PHF24: variants seen among roughly 807,000 people sequenced by gnomAD.
PHF24 encodes the protein Galpha inhibitory interacting protein.
Under a neutral mutation model 42.6 loss-of-function variants are expected in PHF24, and 25 were observed. The observed-to-expected ratio is 0.59, with a 90% CI of 0.43 to 0.82. The LOEUF (loss-of-function observed/expected upper bound fraction) is 0.82, where lower values mean the gene tolerates loss of function less well. Among genes scored for constraint, PHF24 ranks in the 40% least tolerant of loss-of-function variants. The pLI is 0.00. For synonymous variants in PHF24, 185 were observed against 204.8 expected (o/e 0.90, Z 0.83); for missense variants, 470 against 538.1 (o/e 0.87, Z 1.25).
At chr9:34,917,149 G>A in the PHF24 span, 27 of 1,132,638 alleles carry the variant, frequency 2.4e-5, no homozygotes, top group East Asian at 5.2e-4. Flanking sequence ...CGGCCCGTCT[G>A]CTCGGCACCC....
chr9:34,825,946 T>C, the PHF24 span, among the ~76,000 whole-genome samples: 1 of 152,072 alleles, frequency 6.6e-6, no homozygotes, highest in Non-Finnish European at 1.5e-5. Flanking sequence ...CCCTGTGGCC[T>C]TTGTAGTAGG....
the PHF24 span, among the ~76,000 whole-genome samples, chr9:34,838,964 T>C: frequency 6.6e-6 from 1 of 152,142 alleles, no homozygotes; most frequent in Non-Finnish European, 1.5e-5. Flanking sequence ...CAGAGTCTGG[T>C]TATGGCTTGG....
the PHF24 span, among the ~76,000 whole-genome samples, chr9:34,882,369 C>T: frequency 6.6e-6 from 1 of 152,098 alleles, no homozygotes; most frequent in Non-Finnish European, 1.5e-5. Flanking sequence ...CCAGGGCAAT[C>T]AGGCAGGAGA....
chr9:34,845,417 G>T, the PHF24 span, among the ~76,000 whole-genome samples: 2 of 151,650 alleles, frequency 1.3e-5, no homozygotes, highest in African/African-American at 4.8e-5. Flanking sequence ...TCCCTCTCTT[G>T]TTGTCGTCTG....
the PHF24 span, chr9:34,922,713 T>G: frequency 6.5e-7 from 1 of 1,548,508 alleles, no homozygotes; most frequent in East Asian, 2.2e-5. Context: ...CTCAGCACCT[T>G]CTGTCTTTTG....
At chr9:34,936,488 C>T in the PHF24 span, among the ~76,000 whole-genome samples, 1 of 151,680 alleles carries the variant, frequency 6.6e-6, no homozygotes, top group Non-Finnish European at 1.5e-5. Context: ...GCCCGGCCGC[C>T]ACCCCGTCTG....
the PHF24 span, among the ~76,000 whole-genome samples, chr9:34,804,381 T>C: frequency 7.9e-5 from 12 of 152,184 alleles, no homozygotes; most frequent in African/African-American, 2.4e-4. Flanking sequence ...TGCTATGTCA[T>C]TGGGGATATA....
At chr9:34,875,559 G>A in the PHF24 span, among the ~76,000 whole-genome samples, 2 of 151,956 alleles carry the variant, frequency 1.3e-5, no homozygotes, top group Non-Finnish European at 2.9e-5. Context: ...AAAATATACG[G>A]CAGGATCATT....
the PHF24 span, among the ~76,000 whole-genome samples, chr9:34,939,345 G>A: frequency 1.3e-5 from 2 of 152,210 alleles, no homozygotes; most frequent in Non-Finnish European, 2.9e-5. Flanking sequence ...GGTCCTCCAA[G>A]AAGTAGATGC....
chr9:34,981,706 CTATT>C (rs1266013869), exon 8 of PHF24: 1 of 151,022 alleles, frequency 6.6e-6, no homozygotes, highest in Non-Finnish European at 1.5e-5. Flanking sequence ...TACCCCTCCT[CTATT>C]TACAGTGAAA....
chr9:34,881,583 C>G, the PHF24 span, among the ~76,000 whole-genome samples: 1 of 152,166 alleles, frequency 6.6e-6, no homozygotes, highest in Non-Finnish European at 1.5e-5. Context: ...CTATAAACAC[C>G]TCTACACAAA....
chr9:34,792,585 C>T, the PHF24 span, among the ~76,000 whole-genome samples: 8 of 152,078 alleles, frequency 5.3e-5, no homozygotes, highest in Admixed American at 2.6e-4. Context: ...GCAGGAGAAT[C>T]GCTTGAACCC....
chr9:34,752,930 C>A, the PHF24 span, among the ~76,000 whole-genome samples: 11 of 151,946 alleles, frequency 7.2e-5, no homozygotes, highest in African/African-American at 2.7e-4. Context: ...AATGAAGGAC[C>A]AAATCATGTG....
At chr9:34,799,460 T>C in the PHF24 span, among the ~76,000 whole-genome samples, 14 of 152,228 alleles carry the variant, frequency 9.2e-5, no homozygotes, top group Non-Finnish European at 2.1e-4. Flanking sequence ...TTTGTTATTA[T>C]AACTTATTAA....
the PHF24 span, among the ~76,000 whole-genome samples, chr9:34,924,689 T>C: frequency 6.6e-6 from 1 of 152,204 alleles, no homozygotes; most frequent in Non-Finnish European, 1.5e-5. Flanking sequence ...GTGTTTCTTG[T>C]AGGCAGCAGA....
exon 8 of PHF24, chr9:34,979,905 G>C (rs1368476476): frequency 6.6e-6 from 1 of 152,210 alleles, no homozygotes; most frequent in East Asian, 1.9e-4. Flanking sequence ...TCCATAGGAG[G>C]GGCCATTATT....
chr9:34,886,798 C>CTATGTATCTATCTATG, the PHF24 span, among the ~76,000 whole-genome samples: 41 of 137,442 alleles, frequency 3.0e-4, no homozygotes, highest in African/African-American at 1.2e-3. Flanking sequence ...TCTATCTACT[C>CTATGTATCTATCTATG]TATCTATGTA....
At chr9:34,941,807 C>T in the PHF24 span, among the ~76,000 whole-genome samples, 3 of 152,090 alleles carry the variant, frequency 2.0e-5, no homozygotes, top group Admixed American at 6.6e-5. Flanking sequence ...TTCATTTCTA[C>T]CCTCATGATC....
chr9:34,859,188 A>G, the PHF24 span, among the ~76,000 whole-genome samples: 1 of 152,012 alleles, frequency 6.6e-6, no homozygotes, highest in Non-Finnish European at 1.5e-5. Flanking sequence ...ATTTTCTCAT[A>G]ATCTCTTGCC....
Sources: allele counts gnomAD v4.1 joint callset (sites outside exome capture counted in the v4.1 genomes callset), GRCh38; gene constraint gnomAD v4.1.1; transcripts MANE v1.5; gene names NCBI Gene and HGNC (gene_info 2026-07-23, HGNC 2026-07-21).